SHISA6: variants seen among roughly 807,000 people sequenced by gnomAD.
SHISA6 encodes the protein protein shisa-6.
SHISA6 carries 22 observed loss-of-function variants against 47.9 expected under a neutral mutation model. The observed-to-expected ratio is 0.46, with a 90% CI of 0.33 to 0.66. The LOEUF (loss-of-function observed/expected upper bound fraction) is 0.66, where lower values mean the gene tolerates loss of function less well. Ranked by LOEUF, SHISA6 falls within the 30% of genes least tolerant of loss-of-function variation. The probability of loss-of-function intolerance (pLI) is 0.02; values close to 1 mark genes in which losing one functional copy is unlikely to be tolerated. For missense variants in SHISA6, 680 were observed against 764.6 expected, an observed-to-expected ratio of 0.89 and a Z score of 1.30; for synonymous variants, 388 against 337.8, an observed-to-expected ratio of 1.15 and a Z score of -1.63.
At chr17:11,456,096 C>G (rs1055031415) in intron 3 of SHISA6, among the ~76,000 whole-genome samples, 2 of 152,172 alleles carry the variant, frequency 1.3e-5, no homozygotes, top group African/African-American at 4.8e-5. Flanking sequence ...CAAGGGCATT[C>G]TTTATGAGAT....
At chr17:11,371,128 A>G (rs1912618664) in intron 2 of SHISA6, among the ~76,000 whole-genome samples, 1 of 152,186 alleles carries the variant, frequency 6.6e-6, no homozygotes, top group African/African-American at 2.4e-5. Flanking sequence ...TTTTTGCACT[A>G]GCTAGTGTCA....
At chr17:11,245,870 C>A (rs1485232748) in intron 1 of SHISA6, among the ~76,000 whole-genome samples, 1 of 152,106 alleles carries the variant, frequency 6.6e-6, no homozygotes, top group Non-Finnish European at 1.5e-5. Context: ...TAGAAGAAGT[C>A]AAGGGAATAC....
chr17:11,425,674 A>G (rs564398327), intron 3 of SHISA6, among the ~76,000 whole-genome samples: 3 of 152,256 alleles, frequency 2.0e-5, no homozygotes, highest in African/African-American at 7.2e-5. Context: ...CTAGATTTGG[A>G]CCTCAAAAAT....
At chr17:11,404,246 G>A (rs1432945426) in intron 3 of SHISA6, among the ~76,000 whole-genome samples, 1 of 152,212 alleles carries the variant, frequency 6.6e-6, no homozygotes, top group African/African-American at 2.4e-5. Context: ...CGTTCAATCT[G>A]TGACTTGATC....
intron 2 of SHISA6, among the ~76,000 whole-genome samples, chr17:11,373,820 T>C (rs1912703358): frequency 6.6e-6 from 1 of 152,196 alleles, no homozygotes; most frequent in African/African-American, 2.4e-5. Context: ...GGAAGATAGA[T>C]TCTTTTCCCT....
intron 3 of SHISA6, among the ~76,000 whole-genome samples, chr17:11,472,608 C>A (rs957231244): frequency 9.2e-5 from 14 of 152,214 alleles, no homozygotes; most frequent in African/African-American, 3.4e-4. Flanking sequence ...GTTTTGGTAA[C>A]TAAGAATAAG....
chr17:11,510,054 A>G (rs1349337070), intron 3 of SHISA6, among the ~76,000 whole-genome samples: 2 of 152,076 alleles, frequency 1.3e-5, no homozygotes, highest in Non-Finnish European at 1.5e-5. Context: ...TCCTGCCTGC[A>G]GCTTTGCACA....
At chr17:11,418,217 C>A (rs1271298215) in intron 3 of SHISA6, among the ~76,000 whole-genome samples, 1 of 152,004 alleles carries the variant, frequency 6.6e-6, no homozygotes, top group Non-Finnish European at 1.5e-5. Flanking sequence ...TTAAAAAAAT[C>A]TTGGTGTCCA....
chr17:11,280,682 A>G (rs1444061848), intron 2 of SHISA6, among the ~76,000 whole-genome samples: 1 of 152,238 alleles, frequency 6.6e-6, no homozygotes, highest in East Asian at 1.9e-4. Flanking sequence ...GAATGGTCAG[A>G]AAGCTGTGGA....
chr17:11,354,949 C>T (rs1296472393), intron 2 of SHISA6, among the ~76,000 whole-genome samples: 3 of 152,152 alleles, frequency 2.0e-5, no homozygotes, highest in South Asian at 2.1e-4. Context: ...CAAGTAAGGT[C>T]GTGATTTGGA....
chr17:11,431,702 AG>A (rs1230712062), intron 3 of SHISA6, among the ~76,000 whole-genome samples: 4 of 152,226 alleles, frequency 2.6e-5, no homozygotes, highest in Admixed American at 1.3e-4. Flanking sequence ...CTCCAACAGC[AG>A]GTTTCCTTAA....
At chr17:11,483,798 A>T (rs1281335591) in intron 3 of SHISA6, among the ~76,000 whole-genome samples, 2 of 152,154 alleles carry the variant, frequency 1.3e-5, no homozygotes, top group Non-Finnish European at 2.9e-5. Context: ...TCTATAAAAA[A>T]ATTAAAAATT....
intron 2 of SHISA6, among the ~76,000 whole-genome samples, chr17:11,371,737 C>CAAA (rs751086871): frequency 6.8e-6 from 1 of 148,000 alleles, no homozygotes; most frequent in Admixed American, 6.7e-5. Context: ...CAGAGAAAAA[C>CAAA]AACAAAAAAA....
intron 5 of SHISA6, among the ~76,000 whole-genome samples, chr17:11,556,717 A>G (rs1397318853): frequency 6.6e-6 from 1 of 152,130 alleles, no homozygotes; most frequent in Non-Finnish European, 1.5e-5. Context: ...TAACCTGAGG[A>G]ATCATCCCGA....
Position 11,558,050 on chromosome 17 carries a change from G to A in SHISA6, c.1402G>A (p.Glu468Lys), listed in dbSNP as rs929688938. The change falls in exon 6 of 6, where the codon GAG becomes AAG. Residue 468 changes from glutamate to lysine, a missense_variant. Physicochemically the swap from Glu to Lys is moderately conservative, Grantham distance 56. Coordinates refer to ENST00000441885, the MANE Select transcript of SHISA6 (RefSeq NM_207386.4). The part of the protein sequence containing the change: ...LLSPERTAFP[E>K]QSLSRAISHT... Reference sequence around the variant, plus strand: ...GTCCCCGGAGCGGACGGCCTTTCCCGAGCAGTCGCTGTCCAGGGCCATCTC... The same window carrying A: ...GTCCCCGGAGCGGACGGCCTTTCCCAAGCAGTCGCTGTCCAGGGCCATCTC... 14 of 1,551,516 alleles carry A rather than the reference G, an allele frequency of 9.0e-6. No individual in the cohort carries two copies. The highest frequency in any genetic ancestry group is 1.7e-4 in the Middle Eastern group (1 of 6,014).
At chr17:11,268,439 A>G (rs1465824657) in intron 2 of SHISA6, among the ~76,000 whole-genome samples, 1 of 152,074 alleles carries the variant, frequency 6.6e-6, no homozygotes, top group African/African-American at 2.4e-5. Context: ...CAGACACACT[A>G]GTCTTCTCCA....
At chr17:11,489,191 C>T (rs1446100094) in intron 3 of SHISA6, among the ~76,000 whole-genome samples, 1 of 152,050 alleles carries the variant, frequency 6.6e-6, no homozygotes, top group Non-Finnish European at 1.5e-5. Flanking sequence ...GAGAAGACCA[C>T]CCCAGACCAA....
chr17:11,476,536 G>A (rs1334557741), intron 3 of SHISA6, among the ~76,000 whole-genome samples: 4 of 151,806 alleles, frequency 2.6e-5, no homozygotes, highest in African/African-American at 9.7e-5. Context: ...TTTGACTCCT[G>A]TTATTTAGAA....
intron 3 of SHISA6, among the ~76,000 whole-genome samples, chr17:11,433,899 GA>G (rs1055291701): frequency 3.3e-5 from 5 of 151,954 alleles, no homozygotes; most frequent in Non-Finnish European, 7.4e-5. Context: ...TGCATCAAAG[GA>G]AAAATAGGTA....
Sources: allele counts gnomAD v4.1 joint callset (sites outside exome capture counted in the v4.1 genomes callset), GRCh38; gene constraint gnomAD v4.1.1; transcripts MANE v1.5; gene names NCBI Gene and HGNC (gene_info 2026-07-23, HGNC 2026-07-21).